The following SLC35F3 variants were observed in gnomAD, a reference collection of about 807,000 sequenced individuals.
SLC35F3 encodes putative thiamine transporter SLC35F3.
SLC35F3 carries 25 observed loss-of-function variants against 49.9 expected under a neutral mutation model. That is an observed-to-expected ratio of 0.50 (90% confidence interval 0.37 to 0.70). SLC35F3 has a LOEUF of 0.70. SLC35F3 is among the 30% of genes least tolerant of loss of function. SLC35F3 has a pLI of 0.00. For missense variants in SLC35F3, 525 were observed against 639.8 expected (o/e 0.82, Z 1.94); for synonymous variants, 275 against 265.4 (o/e 1.04, Z -0.35).
chr1:233,993,097 C>A (rs1272876981), intron 2 of SLC35F3, among the ~76,000 whole-genome samples: 1 of 152,060 alleles, frequency 6.6e-6, no homozygotes, highest in Non-Finnish European at 1.5e-5. Context: ...AAAAAAAAAT[C>A]CAGAGGGTAC....
At chr1:234,152,785 T>C (rs980229538) in intron 2 of SLC35F3, among the ~76,000 whole-genome samples, 1 of 152,176 alleles carries the variant, frequency 6.6e-6, no homozygotes, top group Non-Finnish European at 1.5e-5. Flanking sequence ...TGGTTCTAGA[T>C]CCTTGAAAAA....
At chr1:234,221,874 G>C (rs1197249518) in intron 2 of SLC35F3, among the ~76,000 whole-genome samples, 1 of 152,180 alleles carries the variant, frequency 6.6e-6, no homozygotes, top group Non-Finnish European at 1.5e-5. Context: ...TGTCTTTTTA[G>C]GCAGGAACAT....
chr1:234,322,372 G>A (rs2103000177), intron 7 of SLC35F3, among the ~76,000 whole-genome samples: 1 of 152,252 alleles, frequency 6.6e-6, no homozygotes, highest in South Asian at 2.1e-4. Context: ...TGTTGTATGT[G>A]TTATTTGTGT....
chr1:234,029,144 G>A (rs1209266337), intron 2 of SLC35F3, among the ~76,000 whole-genome samples: 1 of 152,110 alleles, frequency 6.6e-6, no homozygotes, highest in African/African-American at 2.4e-5. Context: ...TGATAACATC[G>A]ATTAAGAAAC....
intron 2 of SLC35F3, among the ~76,000 whole-genome samples, chr1:233,958,021 G>A (rs1310219416): frequency 6.6e-6 from 1 of 152,068 alleles, no homozygotes; most frequent in Non-Finnish European, 1.5e-5. Flanking sequence ...ACTCCTTGTG[G>A]CCCTTTGTGT....
chr1:234,160,548 G>C (rs1324868944), intron 2 of SLC35F3, among the ~76,000 whole-genome samples: 1 of 152,188 alleles, frequency 6.6e-6, no homozygotes, highest in Non-Finnish European at 1.5e-5. Context: ...GGTACAAGAA[G>C]TGTCAGAAAG....
intron 2 of SLC35F3, among the ~76,000 whole-genome samples, chr1:233,921,350 C>T (rs541537933): frequency 7.2e-5 from 11 of 152,242 alleles, no homozygotes; most frequent in Admixed American, 4.6e-4. Context: ...ACCCACTAGA[C>T]GGGTCCATTT....
At chr1:233,915,748 C>T (rs192351531) in intron 2 of SLC35F3, among the ~76,000 whole-genome samples, 1 of 152,264 alleles carries the variant, frequency 6.6e-6, no homozygotes, top group African/African-American at 2.4e-5. Context: ...AGGAGCAAGT[C>T]ACATCTTACA....
At chr1:233,985,930 C>T (rs1163440853) in intron 2 of SLC35F3, among the ~76,000 whole-genome samples, 2 of 152,134 alleles carry the variant, frequency 1.3e-5, no homozygotes, top group African/African-American at 4.8e-5. Context: ...TGTAGTATAA[C>T]AGAGAGTTGA....
At chr1:234,077,293 C>T (rs954169568) in intron 2 of SLC35F3, among the ~76,000 whole-genome samples, 15 of 152,120 alleles carry the variant, frequency 9.9e-5, no homozygotes, top group Non-Finnish European at 2.1e-4. Context: ...CGTGAGCCAC[C>T]GCGCCCGGCC....
At chr1:234,135,300 T>C (rs1018934683) in intron 2 of SLC35F3, among the ~76,000 whole-genome samples, 2 of 152,234 alleles carry the variant, frequency 1.3e-5, no homozygotes, top group African/African-American at 4.8e-5. Flanking sequence ...GTGACTGTTA[T>C]GTATTGTATG....
intron 2 of SLC35F3, among the ~76,000 whole-genome samples, chr1:234,116,535 A>G (rs1665490078): frequency 7.2e-6 from 1 of 139,260 alleles, no homozygotes; most frequent in Non-Finnish European, 1.5e-5. Flanking sequence ...ATTTTGAGAC[A>G]GCGTTTTGCT....
At chr1:234,087,128 C>A (rs1664973137) in intron 2 of SLC35F3, among the ~76,000 whole-genome samples, 1 of 152,172 alleles carries the variant, frequency 6.6e-6, no homozygotes, top group Non-Finnish European at 1.5e-5. Flanking sequence ...TTCTGGCCAC[C>A]AGCAATACCC....
At chr1:234,275,205 A>C (rs1170526475) in intron 3 of SLC35F3, among the ~76,000 whole-genome samples, 1 of 152,224 alleles carries the variant, frequency 6.6e-6, no homozygotes, top group African/African-American at 2.4e-5. Context: ...ATTCTTTAAA[A>C]TATTGTAGAA....
At chr1:233,910,123 AAC>A (rs1661850685) in intron 2 of SLC35F3, among the ~76,000 whole-genome samples, 1 of 152,250 alleles carries the variant, frequency 6.6e-6, no homozygotes, top group South Asian at 2.1e-4. Flanking sequence ...GGAGACTCTG[AAC>A]AGTTTCTTTT....
At chr1:233,996,924 C>A (rs749005021) in intron 2 of SLC35F3, among the ~76,000 whole-genome samples, 3 of 151,992 alleles carry the variant, frequency 2.0e-5, no homozygotes, top group African/African-American at 7.3e-5. Flanking sequence ...TGACCCCCCA[C>A]CCCTTACTCT....
At chr1:233,961,012 A>G (rs963892224) in intron 2 of SLC35F3, among the ~76,000 whole-genome samples, 2 of 151,940 alleles carry the variant, frequency 1.3e-5, no homozygotes, top group African/African-American at 2.4e-5. Flanking sequence ...GGAGGGTGCT[A>G]TGTCTTGCTA....
At chr1:234,003,215 T>C (rs1663579794) in intron 2 of SLC35F3, among the ~76,000 whole-genome samples, 2 of 149,516 alleles carry the variant, frequency 1.3e-5, no homozygotes, top group Admixed American at 6.7e-5. Context: ...AGGAAATGGA[T>C]AAGAAATATA....
chr1:234,159,231 C>G (rs1032615296), intron 2 of SLC35F3, among the ~76,000 whole-genome samples: 2 of 152,114 alleles, frequency 1.3e-5, no homozygotes, highest in African/African-American at 4.8e-5. Context: ...AAGAAACTAA[C>G]CCTTGCCAAG....
Sources: gnomAD v4.1 joint callset for allele counts (sites outside exome capture counted in the v4.1 genomes callset) on GRCh38, gnomAD v4.1.1 for gene constraint, MANE v1.5 for transcripts, NCBI Gene and HGNC (gene_info 2026-07-23, HGNC 2026-07-21) for gene names.